Variants in TRPM3 observed in about 807,000 individuals in gnomAD.
TRPM3 encodes transient receptor potential cation channel subfamily M member 3.
Under a neutral mutation model 181.2 loss-of-function variants are expected in TRPM3, and 77 were observed. The observed-to-expected ratio is 0.42, with a 90% CI of 0.35 to 0.51. The LOEUF (loss-of-function observed/expected upper bound fraction) is 0.51, where lower values mean the gene tolerates loss of function less well. TRPM3 is among the 20% of genes least tolerant of loss of function. The pLI is 0.01. For missense variants in TRPM3, 1,759 were observed against 2,196.7 expected (o/e 0.80, Z 3.98); for synonymous variants, 745 against 796.4 (o/e 0.94, Z 1.09).
intron 1 of TRPM3, among the ~76,000 whole-genome samples, chr9:71,088,069 AGAG>A (rs1331401985): frequency 6.6e-6 from 1 of 152,092 alleles, no homozygotes; most frequent in East Asian, 1.9e-4. Context: ...AGAAATACAA[AGAG>A]GATGAAAAAC....
intron 1 of TRPM3, among the ~76,000 whole-genome samples, chr9:71,199,356 T>C (rs879565350): frequency 3.9e-5 from 6 of 152,124 alleles, no homozygotes; most frequent in Non-Finnish European, 5.9e-5. Flanking sequence ...TGTCTCTGCC[T>C]GGCTTTGGTA....
intron 1 of TRPM3, among the ~76,000 whole-genome samples, chr9:71,422,262 T>G (rs1000345662): frequency 1.3e-5 from 2 of 152,012 alleles, no homozygotes; most frequent in African/African-American, 4.8e-5. Context: ...GACATCATAC[T>G]GAAAGAAGAA....
chr9:70,665,064 A>G (rs887545261), intron 9 of TRPM3, among the ~76,000 whole-genome samples: 4 of 152,154 alleles, frequency 2.6e-5, no homozygotes, highest in Non-Finnish European at 4.4e-5. Context: ...CTGTCCTGAC[A>G]GGTCAGGGCT....
At chr9:70,642,544 C>T (rs114794011) in intron 9 of TRPM3, among the ~76,000 whole-genome samples, 1 of 152,158 alleles carries the variant, frequency 6.6e-6, no homozygotes, top group Non-Finnish European at 1.5e-5. Flanking sequence ...TGGGGAGCTT[C>T]GCTCAGGGTG....
chr9:70,898,956 G>GT (rs2096340795), intron 1 of TRPM3, among the ~76,000 whole-genome samples: 2 of 152,088 alleles, frequency 1.3e-5, no homozygotes, highest in South Asian at 4.1e-4. Flanking sequence ...TGCTTAATTG[G>GT]TAAGTTTGTT....
chr9:71,080,076 A>C (rs1342784200), intron 1 of TRPM3, among the ~76,000 whole-genome samples: 1 of 152,078 alleles, frequency 6.6e-6, no homozygotes, highest in East Asian at 1.9e-4. Flanking sequence ...AGGCTGAGGC[A>C]GGAGAATCGC....
At chr9:70,870,365 T>C (rs1193901646) in intron 1 of TRPM3, among the ~76,000 whole-genome samples, 2 of 152,018 alleles carry the variant, frequency 1.3e-5, no homozygotes, top group African/African-American at 4.8e-5. Flanking sequence ...TGGGGAAACA[T>C]TATGATAAAT....
intron 1 of TRPM3, among the ~76,000 whole-genome samples, chr9:71,167,247 A>C (rs1280848670): frequency 6.6e-6 from 1 of 152,226 alleles, no homozygotes; most frequent in East Asian, 1.9e-4. Flanking sequence ...CATTTTAGCC[A>C]GAACTACCTA....
At chr9:71,231,255 TGA>T (rs1386764228) in intron 1 of TRPM3, among the ~76,000 whole-genome samples, 6 of 152,148 alleles carry the variant, frequency 3.9e-5, no homozygotes, top group Non-Finnish European at 7.4e-5. Context: ...CAATTCAATA[TGA>T]GAGTCTTATA....
chr9:71,231,986 A>T (rs568059641), intron 1 of TRPM3, among the ~76,000 whole-genome samples: 3 of 152,326 alleles, frequency 2.0e-5, no homozygotes, highest in South Asian at 2.1e-4. Context: ...TGTCACGTTT[A>T]TATTAGTCCC....
chr9:71,295,807 C>T (rs1236950491), intron 1 of TRPM3, among the ~76,000 whole-genome samples: 1 of 147,006 alleles, frequency 6.8e-6, no homozygotes, highest in Non-Finnish European at 1.5e-5. Context: ...CCACTGCATG[C>T]CAGCTTGGGC....
intron 7 of TRPM3, among the ~76,000 whole-genome samples, chr9:70,782,520 A>G (rs1460244050): frequency 6.6e-6 from 1 of 152,134 alleles, no homozygotes; most frequent in Non-Finnish European, 1.5e-5. Flanking sequence ...CCCTTGGTTA[A>G]ATTTTTAACA....
intron 1 of TRPM3, among the ~76,000 whole-genome samples, chr9:71,377,541 A>AC (rs1351645666): frequency 6.6e-6 from 1 of 151,940 alleles, no homozygotes; most frequent in Non-Finnish European, 1.5e-5. Context: ...CACCATGCCC[A>AC]CCTCTCTCAT....
intron 6 of TRPM3, among the ~76,000 whole-genome samples, chr9:70,815,699 C>A (rs778159933): frequency 3.3e-5 from 5 of 152,104 alleles, no homozygotes; most frequent in Non-Finnish European, 5.9e-5. Flanking sequence ...AGATACTCGG[C>A]ATATTATGGA....
chr9:71,141,610 G>A (rs918688872), intron 1 of TRPM3, among the ~76,000 whole-genome samples: 17 of 152,158 alleles, frequency 1.1e-4, no homozygotes, highest in Admixed American at 7.9e-4. Flanking sequence ...GAGCTAATGT[G>A]ATTATCTGTA....
intron 1 of TRPM3, among the ~76,000 whole-genome samples, chr9:70,994,159 T>C (rs1180137240): frequency 6.6e-6 from 1 of 152,220 alleles, no homozygotes. Context: ...CCATTCTTTA[T>C]TGGCTGTATA....
chr9:70,847,686 GA>G (rs1245221915), intron 3 of TRPM3, among the ~76,000 whole-genome samples: 2 of 152,146 alleles, frequency 1.3e-5, no homozygotes, highest in Non-Finnish European at 1.5e-5. Context: ...ATGCACAGAA[GA>G]AGATGGCAAG....
chr9:70,859,751 A>G (rs2095478214), intron 3 of TRPM3, among the ~76,000 whole-genome samples: 1 of 117,854 alleles, frequency 8.5e-6, no homozygotes, highest in Non-Finnish European at 1.9e-5. Flanking sequence ...GATAATGAGA[A>G]GGGATCTTGG....
At chr9:70,622,384 T>C (rs963606062) in intron 14 of TRPM3, among the ~76,000 whole-genome samples, 8 of 152,222 alleles carry the variant, frequency 5.3e-5, no homozygotes, top group Admixed American at 2.6e-4. Context: ...CTCAAACCTC[T>C]GAAGAGCCTC....
Sources: gnomAD v4.1 joint callset for allele counts (sites outside exome capture counted in the v4.1 genomes callset) on GRCh38, gnomAD v4.1.1 for gene constraint, MANE v1.5 for transcripts, NCBI Gene and HGNC (gene_info 2026-07-23, HGNC 2026-07-21) for gene names.